MESD: variants seen among roughly 807,000 people sequenced by gnomAD.
MESD encodes the protein mesoderm development LRP chaperone, also known as LRP chaperone MESD.
Under a neutral mutation model 12.9 loss-of-function variants are expected in MESD, and 7 were observed. The observed-to-expected ratio is 0.54, with a 90% CI of 0.31 to 1.02. The LOEUF is 1.02. Among genes scored for constraint, MESD ranks in the 50% least tolerant of loss-of-function variants. The pLI is 0.05. For synonymous variants in MESD, 126 were observed against 115.6 expected (o/e 1.09, Z -0.58); for missense variants, 342 against 296.7 (o/e 1.15, Z -1.12).
At chr15:80,965,108 A>G (rs188396529) in intron 3 of MESD, among the ~76,000 whole-genome samples, 100 of 152,344 alleles carry the variant, frequency 6.6e-4, no homozygotes, top group African/African-American at 2.3e-3. Context: ...CAAATTTACA[A>G]GAAAAAAACA....
At chr15:80,973,597 T>C (rs1902338082), downstream of MESD, among the ~76,000 whole-genome samples, 1 of 152,248 alleles carries the variant, frequency 6.6e-6, no homozygotes, top group South Asian at 2.1e-4. Context: ...TCAGGGAATA[T>C]GAACTTCTAA....
downstream of MESD, among the ~76,000 whole-genome samples, chr15:80,973,383 A>C (rs1902332696): frequency 6.6e-6 from 1 of 151,948 alleles, no homozygotes; most frequent in African/African-American, 2.4e-5. Flanking sequence ...ACAAAACCCC[A>C]CAAAAATTCG....
chr15:80,979,123 C>T lies in MESD; in HGVS notation c.*96G>A, dbSNP rs4395036. ...TTCTAGAAGACACTAGAATGTCATCCGGTGTGCAGTTGCCTGAGACCACTC... is the reference window on the plus strand; with the variant it reads ...TTCTAGAAGACACTAGAATGTCATCTGGTGTGCAGTTGCCTGAGACCACTC... On this transcript the variant is annotated 3_prime_UTR_variant, in exon 3 of 3. Transcript: ENST00000261758. The T allele has an allele frequency of 4.5e-5, 66 of 1,472,748 alleles. No homozygotes were observed. The South Asian group carries it at 5.1e-4, about 11-fold the overall frequency. The allele number at this position is 1,472,748 out of a possible 1,614,324, so 91.2% of individuals were successfully genotyped here.
intron 3 of MESD, among the ~76,000 whole-genome samples, chr15:80,961,157 A>C (rs1902079146): frequency 6.6e-6 from 1 of 152,044 alleles, no homozygotes; most frequent in Non-Finnish European, 1.5e-5. Flanking sequence ...CCTAAACTTT[A>C]TGCACACAAT....
At chr15:80,971,949 CAA>C (rs989147460), downstream of MESD, among the ~76,000 whole-genome samples, 13 of 88,420 alleles carry the variant, frequency 1.5e-4, no homozygotes, top group South Asian at 4.0e-4. Flanking sequence ...GATTCTGTCT[CAA>C]AAAAAAAAAA....
chr15:80,979,502 C>T (rs369402276), intron 2 of MESD, 25 bp from the exon 3 acceptor site: 19 of 1,609,274 alleles, frequency 1.2e-5, no homozygotes, highest in Non-Finnish European at 1.4e-5. Context: ...TGCAATCAGT[C>T]AGCCAGCACG....
At chr15:80,971,706 A>G (rs1466328983), downstream of MESD, among the ~76,000 whole-genome samples, 1 of 152,134 alleles carries the variant, frequency 6.6e-6, no homozygotes, top group African/African-American at 2.4e-5. Context: ...AGCTCACTGC[A>G]GCCTCTATCT....
intron 1 of MESD, among the ~76,000 whole-genome samples, chr15:80,984,798 C>CT (rs1902685745): frequency 6.6e-6 from 1 of 152,188 alleles, no homozygotes; most frequent in Non-Finnish European, 1.5e-5. Context: ...AAAAAAGCCC[C>CT]TAAGTCACTC....
intron 3 of MESD, among the ~76,000 whole-genome samples, chr15:80,954,003 A>T (rs971206818): frequency 2.0e-5 from 3 of 152,130 alleles, no homozygotes; most frequent in African/African-American, 7.2e-5. Context: ...CCCAATCCCC[A>T]GATGAGCCCT....
intron 3 of MESD, among the ~76,000 whole-genome samples, chr15:80,962,148 CT>C (rs1400711673): frequency 6.6e-6 from 1 of 152,170 alleles, no homozygotes; most frequent in Non-Finnish European, 1.5e-5. Context: ...GGAAGAAGAT[CT>C]ACCAAGCAAA....
intron 3 of MESD, chr15:80,952,838 T>G (rs1901875944): frequency 1.5e-5 from 6 of 391,720 alleles, no homozygotes; most frequent in Non-Finnish European, 3.1e-5. Context: ...AGATCACACT[T>G]GCACACTCAG....
chr15:80,970,395 G>A (rs149636771), intron 3 of MESD: 26 of 152,318 alleles, frequency 1.7e-4, no homozygotes, highest in African/African-American at 5.8e-4. Flanking sequence ...GGGGTCTTAC[G>A]AAGTAGTAAA....
At chr15:80,946,671 T>C (rs2141757995), downstream of MESD, 3 of 428,924 alleles carry the variant, frequency 7.0e-6, no homozygotes, top group South Asian at 6.4e-5. Context: ...GCTTACATCC[T>C]CTCCTCTGTT....
At chr15:80,973,753 A>G (rs377663043), downstream of MESD, among the ~76,000 whole-genome samples, 342 of 150,878 alleles carry the variant, frequency 2.3e-3, 3 homozygotes, top group African/African-American at 7.9e-3. Context: ...TTTATTCATC[A>G]TGGTTTTTGT....
At chr15:80,979,732 T>C (rs1662689101) in intron 2 of MESD, among the ~76,000 whole-genome samples, 1 of 152,158 alleles carries the variant, frequency 6.6e-6, no homozygotes, top group Admixed American at 6.5e-5. Context: ...TGGATGCCCG[T>C]GTTAAAAGTG....
At chr15:80,963,025 A>C (rs1475194774) in intron 3 of MESD, among the ~76,000 whole-genome samples, 1 of 152,148 alleles carries the variant, frequency 6.6e-6, no homozygotes, top group African/African-American at 2.4e-5. Flanking sequence ...AAAACCCTTC[A>C]AAAAAATCAG....
intron 3 of MESD, among the ~76,000 whole-genome samples, chr15:80,970,019 T>C (rs1340284935): frequency 6.6e-6 from 1 of 152,198 alleles, no homozygotes; most frequent in African/African-American, 2.4e-5. Context: ...TTAATATTAC[T>C]AGAACAGTAC....
downstream of MESD, among the ~76,000 whole-genome samples, chr15:80,973,112 T>C (rs886308795): frequency 3.3e-5 from 5 of 152,194 alleles, no homozygotes; most frequent in Non-Finnish European, 7.3e-5. Flanking sequence ...TCTGCTATGA[T>C]GACAAATATG....
chr15:80,948,380 G>A (rs546163852), exon 5 of MESD: 19 of 319,080 alleles, frequency 6.0e-5, no homozygotes, highest in South Asian at 5.3e-4. Context: ...ATAGAGTGGG[G>A]AAGGAGATCT....
Sources: allele counts gnomAD v4.1 joint callset (sites outside exome capture counted in the v4.1 genomes callset), GRCh38; gene constraint gnomAD v4.1.1; transcripts MANE v1.5; gene names NCBI Gene and HGNC (gene_info 2026-07-23, HGNC 2026-07-21).